TMEM135: variants seen among roughly 807,000 people sequenced by gnomAD.
TMEM135 encodes transmembrane protein 135, also known as peroxisomal membrane protein 52.
In TMEM135, 30 loss-of-function variants were observed where a neutral mutation model predicts 60.3. The observed-to-expected ratio is 0.50, with a 90% confidence interval of 0.37 to 0.68. The LOEUF (loss-of-function observed/expected upper bound fraction) is 0.68. Ranked by LOEUF, TMEM135 falls within the 30% of genes least tolerant of loss-of-function variation. TMEM135 has a pLI of 0.00. For synonymous variants in TMEM135, 190 were observed against 186.7 expected (o/e 1.02, Z -0.14); for missense variants, 468 against 548.8 (o/e 0.85, Z 1.47).
At chr11:87,085,014 A>G (rs1435447268) in intron 3 of TMEM135, among the ~76,000 whole-genome samples, 1 of 152,234 alleles carries the variant, frequency 6.6e-6, no homozygotes, top group African/African-American at 2.4e-5. Context: ...GGAGTGGCCT[A>G]TTTGTCTTCA....
chr11:87,140,274 A>G (rs672269), intron 4 of TMEM135, among the ~76,000 whole-genome samples: 72,247 of 151,814 alleles, frequency 0.48, 17,471 homozygotes, highest in East Asian at 0.67. Context: ...TCACCCTGTT[A>G]GCCAGGATGG....
chr11:87,094,583 G>T (rs926576444), intron 4 of TMEM135, among the ~76,000 whole-genome samples: 1 of 152,178 alleles, frequency 6.6e-6, no homozygotes, highest in African/African-American at 2.4e-5. Flanking sequence ...GTATGGGCCT[G>T]TAGTTCCAGC....
chr11:87,272,046 C>CTT (rs1219562499), intron 6 of TMEM135, among the ~76,000 whole-genome samples: 1 of 69,602 alleles, frequency 1.4e-5, no homozygotes, highest in Non-Finnish European at 4.5e-5. Context: ...CTTTCTTTTT[C>CTT]TTTTCTTTTT....
At chr11:87,172,270 TTTC>T (rs1227052494) in intron 5 of TMEM135, among the ~76,000 whole-genome samples, 7 of 152,180 alleles carry the variant, frequency 4.6e-5, no homozygotes, top group African/African-American at 1.7e-4. Flanking sequence ...TTTTTAATTC[TTTC>T]TTCTTTGAAC....
rs540464218 is a variant in TMEM135 at position 87,213,188 on chromosome 11, G to T, written c.463-23450G>T. Among the ~76,000 whole-genome samples the T allele has an allele frequency of 2.6e-5, 4 of 152,228 alleles. No homozygotes were observed. In the East Asian group the frequency reaches 5.8e-4, roughly 22 times the overall value. On this transcript the variant is annotated intron_variant, in intron 5 of 14. Coordinates refer to ENST00000305494, the MANE Select transcript of TMEM135 (RefSeq NM_022918.4). Reference sequence around the variant, plus strand: ...TGCTGGATCTGTTTCTCATTGCTTAGTGTAATTAGGTGTTTATAAAATGGT... The same window carrying T: ...TGCTGGATCTGTTTCTCATTGCTTATTGTAATTAGGTGTTTATAAAATGGT...
chr11:87,196,829 GC>G (rs1311037982), intron 5 of TMEM135, among the ~76,000 whole-genome samples: 1 of 152,028 alleles, frequency 6.6e-6, no homozygotes, highest in Admixed American at 6.6e-5. Flanking sequence ...ATGTTTAGTG[GC>G]TTGTAAAAGT....
intron 5 of TMEM135, among the ~76,000 whole-genome samples, chr11:87,213,639 T>C (rs1041796216): frequency 3.9e-5 from 6 of 152,224 alleles, no homozygotes; most frequent in African/African-American, 1.4e-4. Context: ...GTTTTGTTCT[T>C]CCATATTAGT....
chr11:87,149,787 T>A (rs967735182), intron 4 of TMEM135, among the ~76,000 whole-genome samples: 1 of 152,236 alleles, frequency 6.6e-6, no homozygotes, highest in Non-Finnish European at 1.5e-5. Context: ...AATTTATATC[T>A]TCTCATTCAG....
intron 4 of TMEM135, among the ~76,000 whole-genome samples, chr11:87,142,377 G>A (rs1373666129): frequency 1.3e-5 from 2 of 152,186 alleles, no homozygotes; most frequent in Admixed American, 6.5e-5. Flanking sequence ...TAGCTGTGCT[G>A]TAAGTGCTAC....
chr11:87,096,064 C>G (rs539317410), intron 4 of TMEM135: 2 of 229,084 alleles, frequency 8.7e-6, no homozygotes, highest in African/African-American at 4.7e-5. Context: ...TGCCTTCTCT[C>G]TACTCCTGCA....
At chr11:87,222,825 G>GAA (rs146758484) in intron 5 of TMEM135, among the ~76,000 whole-genome samples, 2 of 131,790 alleles carry the variant, frequency 1.5e-5, no homozygotes, top group African/African-American at 5.8e-5. Flanking sequence ...AAGAAAGAAA[G>GAA]AAAAAAAAAT....
At chr11:87,146,377 A>G (rs977119634) in intron 4 of TMEM135, among the ~76,000 whole-genome samples, 2 of 152,202 alleles carry the variant, frequency 1.3e-5, no homozygotes, top group African/African-American at 4.8e-5. Flanking sequence ...GGTTGATTGT[A>G]TATGAACCTG....
intron 6 of TMEM135, among the ~76,000 whole-genome samples, chr11:87,276,829 G>A (rs1941976782): frequency 2.0e-5 from 3 of 151,738 alleles, no homozygotes; most frequent in Non-Finnish European, 4.4e-5. Context: ...AGGCCACCAT[G>A]CCTGGCTAAT....
At chr11:87,170,204 T>C (rs654485) in intron 5 of TMEM135, among the ~76,000 whole-genome samples, 55,929 of 151,940 alleles carry the variant, frequency 0.37, 10,832 homozygotes, top group East Asian at 0.67. Context: ...TTTCATGGTT[T>C]TTAGCTTCCT....
In TMEM135 at chr11:87,325,375, T is replaced by A. The variant is rs949548658; in HGVS notation, c.*4042T>A. 4.4e-6 allele frequency: 2 copies of A among 453,984 alleles called. No individual in the cohort carries two copies. Among genetic ancestry groups the A allele is most frequent in the African/African-American group, 4.0e-5 (2 of 50,002 alleles). The allele number at this position is 453,984 out of a possible 1,614,324, so 28.1% of individuals were successfully genotyped here. On this transcript the variant is annotated 3_prime_UTR_variant, in exon 15 of 15. Coordinates refer to ENST00000305494, the MANE Select transcript of TMEM135 (RefSeq NM_022918.4). The stretch of plus-strand genomic sequence containing the variant: ...GTGAATGGCCTTAAGCTTACAGCTG[T>A]GGTGAATAAGAATGTGTGCTATTTT...
intron 5 of TMEM135, among the ~76,000 whole-genome samples, chr11:87,193,122 T>A (rs1939855111): frequency 6.6e-6 from 1 of 152,022 alleles, no homozygotes; most frequent in Non-Finnish European, 1.5e-5. Context: ...AAAATTGTCA[T>A]TTTTTGTGTA....
At chr11:87,122,570 C>T (rs1591036404) in intron 4 of TMEM135, among the ~76,000 whole-genome samples, 1 of 151,798 alleles carries the variant, frequency 6.6e-6, no homozygotes, top group South Asian at 2.1e-4. Flanking sequence ...AAGTGATTCT[C>T]CTGCCTCAGC....
intron 3 of TMEM135, among the ~76,000 whole-genome samples, chr11:87,089,888 T>C (rs1036907286): frequency 5.4e-4 from 83 of 152,324 alleles, no homozygotes; most frequent in African/African-American, 1.9e-3. Flanking sequence ...AAAAACCTTA[T>C]AGATAATCTT....
chr11:87,079,843 C>CTTTTTTTTTTTTTTTTTTTTTTTT, intron 3 of TMEM135, among the ~76,000 whole-genome samples: 1 of 107,938 alleles, frequency 9.3e-6, no homozygotes, highest in Non-Finnish European at 1.8e-5. Flanking sequence ...CTTTTCTTTT[C>CTTTTTTTTTTTTTTTTTTTTTTTT]TTTTTTTTTT....
Sources: gnomAD v4.1 joint callset for allele counts (sites outside exome capture counted in the v4.1 genomes callset) on GRCh38, gnomAD v4.1.1 for gene constraint, MANE v1.5 for transcripts, NCBI Gene and HGNC (gene_info 2026-07-23, HGNC 2026-07-21) for gene names.